The following CATSPERB variants were observed in gnomAD, a reference collection of about 807,000 sequenced individuals.
CATSPERB encodes catsper channel auxiliary subunit beta.
Under a neutral mutation model 128.3 loss-of-function variants are expected in CATSPERB, and 93 were observed. The observed-to-expected ratio is 0.72, with a 90% CI of 0.61 to 0.86. The LOEUF is 0.86. Among genes scored for constraint, CATSPERB ranks in the 40% least tolerant of loss-of-function variants. The pLI is 0.00. For missense variants in CATSPERB, 1,153 were observed against 1,329.5 expected (o/e 0.87, Z 2.06); for synonymous variants, 381 against 448.8 (o/e 0.85, Z 1.91).
chr14:91,586,247 C>T (rs115026117), intron 26 of CATSPERB, among the ~76,000 whole-genome samples: 1 of 152,238 alleles, frequency 6.6e-6, no homozygotes, highest in East Asian at 1.9e-4. Context: ...GAGGTCCTTT[C>T]CCTTGTTCTC....
intron 12 of CATSPERB, among the ~76,000 whole-genome samples, chr14:91,673,533 T>C (rs1445876393): frequency 6.6e-6 from 1 of 152,154 alleles, no homozygotes; most frequent in East Asian, 1.9e-4. Flanking sequence ...TTAGTAACAG[T>C]AGGAAAATAA....
chr14:91,686,227 G>A (rs553864446), intron 10 of CATSPERB, among the ~76,000 whole-genome samples: 11 of 152,178 alleles, frequency 7.2e-5, no homozygotes, highest in African/African-American at 1.9e-4. Flanking sequence ...ATTTGTTTGT[G>A]TATTTTTTAA....
At chr14:91,676,975 G>T (rs1469940014) in intron 11 of CATSPERB, among the ~76,000 whole-genome samples, 4 of 152,160 alleles carry the variant, frequency 2.6e-5, no homozygotes, top group Admixed American at 2.0e-4. Context: ...AATGGGGAAA[G>T]AATTCCCTAT....
At chr14:91,713,469 G>A (rs1398885798) in intron 5 of CATSPERB, among the ~76,000 whole-genome samples, 1 of 152,034 alleles carries the variant, frequency 6.6e-6, no homozygotes, top group Non-Finnish European at 1.5e-5. Flanking sequence ...AATAACTCAT[G>A]TTAGAGATAA....
chr14:91,644,100 G>A (rs1328713954), intron 15 of CATSPERB, among the ~76,000 whole-genome samples: 1 of 135,810 alleles, frequency 7.4e-6, no homozygotes, highest in African/African-American at 2.8e-5. Flanking sequence ...GAGCCTATGT[G>A]TGTCTCTGCA....
At chr14:91,665,562 G>T (rs577749335) in intron 14 of CATSPERB, among the ~76,000 whole-genome samples, 3 of 152,102 alleles carry the variant, frequency 2.0e-5, no homozygotes, top group Non-Finnish European at 4.4e-5. Context: ...GGTCAAAGAA[G>T]AAATTAGAGA....
intron 5 of CATSPERB, chr14:91,715,226 C>A (rs1349529902): frequency 6.6e-6 from 1 of 151,950 alleles, no homozygotes; most frequent in Non-Finnish European, 1.5e-5. Flanking sequence ...AATGGAGAGA[C>A]ACAGTGTCTT....
chr14:91,683,472 C>G (rs1895320625), intron 11 of CATSPERB, among the ~76,000 whole-genome samples: 1 of 150,122 alleles, frequency 6.7e-6, no homozygotes, highest in East Asian at 2.0e-4. Context: ...TTCTTGGTTT[C>G]CCTCCCTTCC....
chr14:91,616,160 C>A (rs550048836), intron 20 of CATSPERB, among the ~76,000 whole-genome samples: 61 of 152,246 alleles, frequency 4.0e-4, no homozygotes, highest in African/African-American at 1.3e-3. Flanking sequence ...GGATTGCAGG[C>A]GTGAGCCACT....
At chr14:91,638,950 G>A (rs758918112) in intron 16 of CATSPERB, 146 bp downstream of exon 16, 11 of 647,928 alleles carry the variant, frequency 1.7e-5, no homozygotes, top group Non-Finnish European at 2.6e-5. Flanking sequence ...GGCACATGGA[G>A]GTTCTTCCTT....
chr14:91,611,320 T>C (rs992406094), intron 20 of CATSPERB, among the ~76,000 whole-genome samples: 11 of 152,162 alleles, frequency 7.2e-5, no homozygotes, highest in Non-Finnish European at 2.9e-5. Context: ...ATCAAGAACC[T>C]GAGGACTGGC....
intron 6 of CATSPERB, 63 bp from the exon 7 acceptor site, chr14:91,704,764 C>A: frequency 6.6e-7 from 1 of 1,518,690 alleles, no homozygotes; most frequent in Admixed American, 2.0e-5. Flanking sequence ...ATGCTACTTT[C>A]CTTTAAAGGT....
chr14:91,686,155 T>C (rs1895371750), intron 10 of CATSPERB, among the ~76,000 whole-genome samples: 1 of 152,176 alleles, frequency 6.6e-6, no homozygotes, highest in South Asian at 2.1e-4. Flanking sequence ...TTCCCCTCAC[T>C]CTTTCTCTTA....
chr14:91,692,040 G>C (rs181950250), intron 9 of CATSPERB, among the ~76,000 whole-genome samples: 334 of 152,176 alleles, frequency 2.2e-3, no homozygotes, highest in Non-Finnish European at 4.1e-3. Context: ...AACTGGGCGT[G>C]GTGGTGCATG....
At chr14:91,717,469 C>T (rs547917824) in intron 5 of CATSPERB, among the ~76,000 whole-genome samples, 1 of 152,272 alleles carries the variant, frequency 6.6e-6, no homozygotes, top group South Asian at 2.1e-4. Flanking sequence ...GCTTTCACCA[C>T]CCAGTCATCT....
intron 5 of CATSPERB, among the ~76,000 whole-genome samples, chr14:91,717,418 T>C (rs1170168654): frequency 6.6e-6 from 1 of 152,198 alleles, no homozygotes; most frequent in Non-Finnish European, 1.5e-5. Flanking sequence ...AAGGAGGGGC[T>C]GTTTACTTTC....
chr14:91,620,952 C>A (rs925681184), intron 19 of CATSPERB, among the ~76,000 whole-genome samples: 9 of 152,084 alleles, frequency 5.9e-5, no homozygotes, highest in African/African-American at 2.2e-4. Flanking sequence ...ATAACAATAC[C>A]AAAGTAATTA....
chr14:91,668,459 C>T (rs891884237), intron 14 of CATSPERB, among the ~76,000 whole-genome samples: 1 of 151,988 alleles, frequency 6.6e-6, no homozygotes, highest in African/African-American at 2.4e-5. Context: ...GTAAAATGGA[C>T]CAATCAGTGC....
chr14:91,719,387 G>T, intron 5 of CATSPERB, 31 bp downstream of exon 5: 2 of 1,459,330 alleles, frequency 1.4e-6, no homozygotes, highest in Non-Finnish European at 9.4e-7. Context: ...CCAGACCCAG[G>T]GGTAAAAGAA....
Sources: allele counts gnomAD v4.1 joint callset (sites outside exome capture counted in the v4.1 genomes callset), GRCh38; gene constraint gnomAD v4.1.1; transcripts MANE v1.5; gene names NCBI Gene and HGNC (gene_info 2026-07-23, HGNC 2026-07-21).